The following FHIP2A variants were observed in gnomAD, a reference collection of about 807,000 sequenced individuals.
The protein encoded by FHIP2A is FHF complex subunit HOOK interacting protein 2A.
FHIP2A carries 46 observed loss-of-function variants against 93.5 expected under a neutral mutation model. That is an observed-to-expected ratio of 0.49 (90% CI 0.39 to 0.63). FHIP2A has a LOEUF of 0.63. Among genes scored for constraint, FHIP2A ranks in the 20% least tolerant of loss-of-function variants. The probability of loss-of-function intolerance (pLI) is 0.00; values close to 1 mark genes in which losing one functional copy is unlikely to be tolerated. For synonymous variants in FHIP2A, 332 were observed against 326.5 expected (o/e 1.02, Z -0.18); for missense variants, 769 against 909.7 (o/e 0.85, Z 1.99).
chr10:114,865,020 C>T (rs2083821710), downstream of FHIP2A, among the ~76,000 whole-genome samples: 1 of 151,880 alleles, frequency 6.6e-6, no homozygotes, highest in Admixed American at 6.6e-5. Context: ...CAGAGTCTCG[C>T]TCTGTTCCCC....
Position 114,862,313 on chromosome 10 carries a change from G to C in FHIP2A, c.*773G>C. 1 of 987,458 alleles carries C rather than the reference G, an allele frequency of 1.0e-6. No individual in the cohort carries two copies. The highest frequency in any genetic ancestry group is 1.2e-6 in the Non-Finnish European group (1 of 830,068). 61.2% of individuals were successfully genotyped at this position (987,458 alleles called of 1,614,324 possible). On this transcript the variant is annotated 3_prime_UTR_variant, in exon 17 of 17. Coordinates refer to ENST00000369248, the MANE Select transcript of FHIP2A (RefSeq NM_020940.4). ...ACCATTGGTAGTGTTTGCTAAAATT[G>C]TATTTTTTTAAGCTAAGTAACATGT...
intron 5 of FHIP2A, among the ~76,000 whole-genome samples, chr10:114,838,588 T>C (rs2083649886): frequency 6.6e-6 from 1 of 152,210 alleles, no homozygotes; most frequent in Non-Finnish European, 1.5e-5. Context: ...TGCTAAAGCT[T>C]TCTTAGATAA....
intron 16 of FHIP2A, among the ~76,000 whole-genome samples, chr10:114,872,370 A>C (rs2083864101): frequency 6.6e-6 from 1 of 152,194 alleles, no homozygotes; most frequent in South Asian, 2.1e-4. Context: ...AGAGTCAGGG[A>C]AGTCTATGAG....
At chr10:114,852,916 T>C (rs2083745261) in intron 13 of FHIP2A, among the ~76,000 whole-genome samples, 1 of 152,182 alleles carries the variant, frequency 6.6e-6, no homozygotes, top group Admixed American at 6.6e-5. Flanking sequence ...TCTCCTCTTA[T>C]TTCTCACCCA....
chr10:114,843,613 C>T, intron 6 of FHIP2A, 128 bp from the exon 7 acceptor site: 3 of 759,680 alleles, frequency 3.9e-6, no homozygotes, highest in Non-Finnish European at 5.8e-6. Flanking sequence ...CAATAATATG[C>T]ATTTAAAATA....
chr10:114,845,229 C>G, intron 7 of FHIP2A, 138 bp from the exon 8 acceptor site: 1 of 508,312 alleles, frequency 2.0e-6, no homozygotes, highest in Admixed American at 3.3e-5. Context: ...ATCCTCTTCT[C>G]ACTGTCCTCC....
At chr10:114,833,691 A>G (rs563647501) in intron 3 of FHIP2A, among the ~76,000 whole-genome samples, 6 of 152,348 alleles carry the variant, frequency 3.9e-5, no homozygotes, top group South Asian at 2.1e-4. Flanking sequence ...AAAAAGAGAT[A>G]GAAGGAAGTC....
intron 3 of FHIP2A, among the ~76,000 whole-genome samples, chr10:114,833,971 G>A (rs1011173357): frequency 2.0e-5 from 3 of 152,192 alleles, no homozygotes; most frequent in African/African-American, 7.2e-5. Context: ...AGGGGGCCAG[G>A]CTTCCAGTCC....
At chr10:114,885,587 A>C (rs965386283) in intron 16 of FHIP2A, among the ~76,000 whole-genome samples, 1 of 152,176 alleles carries the variant, frequency 6.6e-6, no homozygotes, top group Non-Finnish European at 1.5e-5. Context: ...ACTTCGTTGA[A>C]TTAAGGTAGA....
At chr10:114,870,018 A>G (rs1427618808) in intron 16 of FHIP2A, among the ~76,000 whole-genome samples, 1 of 152,174 alleles carries the variant, frequency 6.6e-6, no homozygotes, top group African/African-American at 2.4e-5. Context: ...AATTAATTTG[A>G]CATAGATAAT....
At chr10:114,860,544 G>A (rs2083791484) in intron 14 of FHIP2A, among the ~76,000 whole-genome samples, 1 of 151,954 alleles carries the variant, frequency 6.6e-6, no homozygotes, top group South Asian at 2.1e-4. Flanking sequence ...TAGAGACGGG[G>A]TTTCTCCATG....
At chr10:114,833,493 G>C in intron 3 of FHIP2A, 91 bp downstream of exon 3, 1 of 1,204,746 alleles carries the variant, frequency 8.3e-7, no homozygotes, top group Non-Finnish European at 1.2e-6. Context: ...TGATTATAAA[G>C]GTACATATTG....
intron 16 of FHIP2A, among the ~76,000 whole-genome samples, chr10:114,879,688 T>TTTTG (rs551040218): frequency 7.2e-5 from 11 of 152,240 alleles, no homozygotes; most frequent in Middle Eastern, 3.4e-3. Flanking sequence ...ACGGGTTTAC[T>TTTTG]TTTGTTTGTT....
At chr10:114,892,553 G>T (rs566018758) in intron 16 of FHIP2A, among the ~76,000 whole-genome samples, 16 of 152,174 alleles carry the variant, frequency 1.1e-4, no homozygotes, top group African/African-American at 3.4e-4. Context: ...CAGGAGAATC[G>T]CCTGAACCCG....
intron 2 of FHIP2A, among the ~76,000 whole-genome samples, chr10:114,831,420 G>A (rs551408142): frequency 7.9e-5 from 12 of 152,134 alleles, no homozygotes; most frequent in Non-Finnish European, 1.5e-4. Flanking sequence ...GGATGTCTCG[G>A]GAATGAGACC....
chr10:114,871,949 T>TA (rs1245300300), intron 16 of FHIP2A, among the ~76,000 whole-genome samples: 1 of 152,190 alleles, frequency 6.6e-6, no homozygotes, highest in African/African-American at 2.4e-5. Context: ...AGAAAACTGT[T>TA]AGAGCCACTT....
intron 16 of FHIP2A, among the ~76,000 whole-genome samples, chr10:114,891,541 G>A (rs111366913): frequency 8.7e-5 from 10 of 114,390 alleles, no homozygotes; most frequent in South Asian, 2.5e-4. Context: ...ATATATATGT[G>A]TGTGTGTGTG....
chr10:114,846,135 T>C, intron 9 of FHIP2A, 40 bp from the exon 10 acceptor site: 1 of 1,612,558 alleles, frequency 6.2e-7, no homozygotes. Flanking sequence ...CACTGTGTCA[T>C]GTTATTTTTG....
At chr10:114,845,992 G>A (rs766837034) in intron 8 of FHIP2A, 21 bp from the exon 9 acceptor site, 6 of 1,523,830 alleles carry the variant, frequency 3.9e-6, no homozygotes, top group Non-Finnish European at 5.4e-6. Flanking sequence ...AAAAAAAAAT[G>A]ATGTTCCTAC....
Sources: allele counts gnomAD v4.1 joint callset (sites outside exome capture counted in the v4.1 genomes callset), GRCh38; gene constraint gnomAD v4.1.1; transcripts MANE v1.5; gene names NCBI Gene and HGNC (gene_info 2026-07-23, HGNC 2026-07-21).